Variants in ZNF141 observed in about 807,000 individuals in gnomAD.
ZNF141 encodes zinc finger protein 141 (clone pHZ-44).
ZNF141 carries 7 observed loss-of-function variants against 11.3 expected under a neutral mutation model. That is an observed-to-expected ratio of 0.62 (90% CI 0.35 to 1.16). The LOEUF (loss-of-function observed/expected upper bound fraction) is 1.16, where lower values mean the gene tolerates loss of function less well. Ranked by LOEUF, ZNF141 falls within the 50% of genes most tolerant of loss-of-function variation. The probability of loss-of-function intolerance (pLI) is 0.02; values close to 1 mark genes in which losing one functional copy is unlikely to be tolerated. For missense variants in ZNF141, 535 were observed against 554.0 expected (o/e 0.97, Z 0.34); for synonymous variants, 183 against 190.7 (o/e 0.96, Z 0.33).
In ZNF141 at chr4:373,922, G is replaced by T; in HGVS notation, c.*60G>T. On this transcript the variant is annotated 3_prime_UTR_variant, in exon 4 of 4. Transcript: ENST00000240499. ...CTTTGGATGATCCACAAACCTTAAT[G>T]AACATGAGAAAATTTATACTGTAGA... is the stretch of plus-strand genomic sequence containing the variant. 2 of 1,418,396 alleles carry T rather than the reference G, an allele frequency of 1.4e-6. No homozygotes were observed. Among genetic ancestry groups the T allele is most frequent in the South Asian group, 2.7e-5 (2 of 74,254 alleles). 87.9% of individuals were successfully genotyped at this position (1,418,396 alleles called of 1,614,324 possible). A position where few individuals can be genotyped will look rare whatever the true frequency, so the allele number is the denominator to read the frequency against.
Position 379,798 on chromosome 4 carries a change from T to C in ZNF141, c.*5936T>C, listed in dbSNP as rs1269522462. Among the ~76,000 whole-genome samples, 6 of 152,240 alleles carry C rather than the reference T, an allele frequency of 3.9e-5. No individual in the cohort carries two copies. The highest frequency in any genetic ancestry group is 8.8e-5 in the Non-Finnish European group (6 of 68,038). On this transcript the variant is annotated 3_prime_UTR_variant, in exon 4 of 4. Coordinates refer to ENST00000240499, the MANE Select transcript of ZNF141 (RefSeq NM_003441.4). ...TAATTTTTAAAATATATTTGTTAAT[T>C]GACAGATAAAATATCCTGTAGAATA...
At chr4:349,912 C>G (rs1427070055) in intron 3 of ZNF141, among the ~76,000 whole-genome samples, 1 of 152,192 alleles carries the variant, frequency 6.6e-6, no homozygotes, top group African/African-American at 2.4e-5. Context: ...TACTGACAAC[C>G]TGGGAACAGT....
rs34509477 is a variant in ZNF141, at chr4:369,764, ATTT to A, written c.227-2882_227-2880del. Among the ~76,000 whole-genome samples the A allele has an allele frequency of 4.8e-3, 233 of 48,660 alleles. 2 individuals are homozygous for A. Among genetic ancestry groups the A allele is most frequent in the Admixed American group, 7.5e-3 (26 of 3,448 alleles). The allele number at this position is 48,660 out of a possible 152,430, so 31.9% of individuals were successfully genotyped here. On this transcript the variant is annotated intron_variant, in intron 3 of 3. Coordinates refer to ENST00000240499, the MANE Select transcript of ZNF141 (RefSeq NM_003441.4). ...TATATATATATATATATATATATAT[ATTT>A]TTTTTTTTTTTTTTTTTGAGAGGGA... is the stretch of plus-strand genomic sequence containing the variant.
At chr4:366,727 C>T (rs782159649) in intron 3 of ZNF141, among the ~76,000 whole-genome samples, 4 of 151,812 alleles carry the variant, frequency 2.6e-5, no homozygotes, top group Non-Finnish European at 5.9e-5. Context: ...CAGACTGGAG[C>T]GCACTGGTGC....
intron 3 of ZNF141, among the ~76,000 whole-genome samples, chr4:367,909 C>T (rs577831256): frequency 5.3e-5 from 8 of 152,212 alleles, no homozygotes; most frequent in South Asian, 2.1e-4. Flanking sequence ...TAGGTATACA[C>T]GTGCCATAAA....
In ZNF141 at chr4:377,715, G is replaced by A. The variant is rs535725317; in HGVS notation, c.*3853G>A. Among the ~76,000 whole-genome samples the A allele has an allele frequency of 5.3e-5, 8 of 149,972 alleles. No homozygotes were observed. Among genetic ancestry groups the A allele is most frequent in the African/African-American group, 1.7e-4 (7 of 40,132 alleles). ...CAGTTGGCATTGTTTTTCTGTGTTT[G>A]TAAAAGAAAAATTGTATGAGATTCT... On this transcript the variant is annotated 3_prime_UTR_variant, in exon 4 of 4. Coordinates refer to ENST00000240499, the MANE Select transcript of ZNF141 (RefSeq NM_003441.4).
At chr4:350,989 T>G (rs528214205) in intron 3 of ZNF141, among the ~76,000 whole-genome samples, 1 of 151,952 alleles carries the variant, frequency 6.6e-6, no homozygotes, top group East Asian at 1.9e-4. Flanking sequence ...GACCTCATGA[T>G]CCGTCCACCT....
intron 3 of ZNF141, among the ~76,000 whole-genome samples, chr4:371,608 C>T (rs547711309): frequency 8.0e-5 from 12 of 150,532 alleles, no homozygotes; most frequent in East Asian, 7.9e-4. Context: ...GGCATGATCT[C>T]GGCTCACTGC....
At chr4:347,000 A>G (rs544781882) in intron 3 of ZNF141, among the ~76,000 whole-genome samples, 66 of 150,890 alleles carry the variant, frequency 4.4e-4, no homozygotes, top group Admixed American at 1.4e-3. Flanking sequence ...TATGCCCAGA[A>G]GTGGTATTGC....
In ZNF141 at chr4:381,734, T is replaced by G. The variant is rs1712628082; in HGVS notation, c.*7872T>G. On this transcript the variant is annotated 3_prime_UTR_variant, in exon 4 of 4. Coordinates refer to ENST00000240499, the MANE Select transcript of ZNF141 (RefSeq NM_003441.4). ...ATATGCTTTCTTAGTACTCCACATTTATGCAGCCATCTGGGAAGAAAGGAG... is the reference window on the plus strand; with the variant it reads ...ATATGCTTTCTTAGTACTCCACATTGATGCAGCCATCTGGGAAGAAAGGAG... Among the ~76,000 whole-genome samples the G allele has an allele frequency of 6.6e-6, 1 of 151,738 alleles. No homozygotes were observed. The highest frequency in any genetic ancestry group is 6.6e-5 in the Admixed American group (1 of 15,228).
At chr4:347,100 C>T (rs68126535) in intron 3 of ZNF141, among the ~76,000 whole-genome samples, 63,318 of 146,290 alleles carry the variant, frequency 0.43, 14,167 homozygotes, top group African/African-American at 0.56. Context: ...TGCAGTGGCA[C>T]GCTGTTGGCT....
At position 380,671 on chromosome 4, in the gene ZNF141, A is replaced by T. The variant is rs202243759; in HGVS notation, c.*6809A>T. Among the ~76,000 whole-genome samples, 17 of 148,600 alleles carry T rather than the reference A, an allele frequency of 1.1e-4. No individual in the cohort carries two copies. The highest frequency in any genetic ancestry group is 2.1e-4 in the Non-Finnish European group (14 of 67,304). On this transcript the variant is annotated 3_prime_UTR_variant, in exon 4 of 4. Coordinates refer to ENST00000240499, the MANE Select transcript of ZNF141 (RefSeq NM_003441.4). ...CCATCCCCCCTGCCCAAAAAAAAAA[A>T]TTAATTTTCACAGAAAATTAATAGC...
chr4:354,376 C>G lies in ZNF141; in HGVS notation c.226+9946C>G, dbSNP rs552291741. Among the ~76,000 whole-genome samples the G allele has an allele frequency of 2.0e-5, 3 of 152,278 alleles. No individual in the cohort carries two copies. The East Asian group carries it at 5.8e-4, about 29-fold the overall frequency. On this transcript the variant is annotated intron_variant, in intron 3 of 3. Coordinates refer to ENST00000240499, the MANE Select transcript of ZNF141 (RefSeq NM_003441.4). ...AAATCAGGTTTCTATGAGTTCAAGG[C>G]AAAGTTTTTGGGTGTGGTTATTGTA...
At position 379,766 on chromosome 4, in the gene ZNF141, T is replaced by A. The variant is rs1028433562; in HGVS notation, c.*5904T>A. Among the ~76,000 whole-genome samples the A allele has an allele frequency of 1.3e-5, 2 of 152,246 alleles. No homozygotes were observed. The highest frequency in any genetic ancestry group is 2.9e-5 in the Non-Finnish European group (2 of 68,038). ...CAAAGATACTCATCATTTGCAACATTATTCTGTAATTTTTAAAATATATTT... is the reference window on the plus strand; with the variant it reads ...CAAAGATACTCATCATTTGCAACATAATTCTGTAATTTTTAAAATATATTT... On this transcript the variant is annotated 3_prime_UTR_variant, in exon 4 of 4. Coordinates refer to ENST00000240499, the MANE Select transcript of ZNF141 (RefSeq NM_003441.4).
At chr4:359,094 A>G (rs1721989394) in intron 3 of ZNF141, among the ~76,000 whole-genome samples, 1 of 152,152 alleles carries the variant, frequency 6.6e-6, no homozygotes, top group African/African-American at 2.4e-5. Flanking sequence ...GGAGGTAAAT[A>G]TCTTCTATTG....
rs553266151 is a variant in ZNF141 at position 383,761 on chromosome 4, A to G, written c.*9899A>G. 2 of 152,452 alleles carry G rather than the reference A, an allele frequency of 1.3e-5. No individual in the cohort carries two copies. Among genetic ancestry groups the G allele is most frequent in the South Asian group, 2.1e-4 (1 of 4,840 alleles). The allele number at this position is 152,452 out of a possible 1,614,324, so 9.4% of individuals were successfully genotyped here. A position where few individuals can be genotyped will look rare whatever the true frequency, so the allele number is the denominator to read the frequency against. ...AGTGGCCGTGGGCCAAGCACAGGCC[A>G]TGCCTTCATCTGCATAGGGTACCAA... On this transcript the variant is annotated 3_prime_UTR_variant, in exon 4 of 4. Coordinates refer to ENST00000240499, the MANE Select transcript of ZNF141 (RefSeq NM_003441.4).
chr4:369,764 A>ATATTTATATTTTTTTTTTTTTTTTTTTTT, intron 3 of ZNF141, among the ~76,000 whole-genome samples: 1 of 48,742 alleles, frequency 2.1e-5, no homozygotes, highest in Non-Finnish European at 3.1e-5. Flanking sequence ...ATATATATAT[A>ATATTTATATTTTTTTTTTTTTTTTTTTTT]TTTTTTTTTT....
rs1378675552 is a variant in ZNF141 at position 383,860 on chromosome 4, A to T, written c.*9998A>T. On this transcript the variant is annotated 3_prime_UTR_variant, in exon 4 of 4. Coordinates refer to ENST00000240499, the MANE Select transcript of ZNF141 (RefSeq NM_003441.4). ...AGGGGTAGCTGATAGGAACCTCAAA[A>T]GGAGTACTTAAAACCCAGAAAACAT... is the stretch of plus-strand genomic sequence containing the variant. 4 of 152,160 alleles carry T rather than the reference A, an allele frequency of 2.6e-5. No homozygotes were observed. Among genetic ancestry groups the T allele is most frequent in the African/African-American group, 7.2e-5 (3 of 41,434 alleles). 9.4% of individuals were successfully genotyped at this position (152,160 alleles called of 1,614,324 possible). A position where few individuals can be genotyped will look rare whatever the true frequency, so the allele number is the denominator to read the frequency against.
intron 1 of ZNF141, chr4:342,961 AC>A: frequency 6.7e-7 from 1 of 1,499,072 alleles, no homozygotes; most frequent in Middle Eastern, 2.0e-4. Flanking sequence ...CAAGGCTGAG[AC>A]CTTATTTTTT....
Sources: allele counts gnomAD v4.1 joint callset (sites outside exome capture counted in the v4.1 genomes callset), GRCh38; gene constraint gnomAD v4.1.1; transcripts MANE v1.5; gene names NCBI Gene and HGNC (gene_info 2026-07-23, HGNC 2026-07-21).